Variants in CELF2 observed in about 807,000 individuals in gnomAD.
CELF2 encodes CUGBP Elav-like family member 2.
In CELF2, 8 loss-of-function variants were observed where a neutral mutation model predicts 62.6. That is an observed-to-expected ratio of 0.13 (90% CI 0.07 to 0.23). The LOEUF is 0.23. CELF2 is among the 10% of genes least tolerant of loss of function. The pLI, the probability that CELF2 is intolerant of heterozygous loss-of-function variation, is 1.00. For missense variants in CELF2, 333 were observed against 671.0 expected (o/e 0.50, Z 5.56); for synonymous variants, 258 against 250.0 (o/e 1.03, Z -0.30).
chr10:10,543,692 C>T, the CELF2 span, among the ~76,000 whole-genome samples: 1 of 151,894 alleles, frequency 6.6e-6, no homozygotes, highest in East Asian at 1.9e-4. Context: ...TCTAAAAATA[C>T]AAAACTTAGC....
In CELF2 at chr10:10,998,593, C is replaced by T. The variant is rs370956630; in HGVS notation, c.89+78594C>T. ...TTAATAGCAGGCAGAGGATAGAACT[C>T]GTAAGAGTAACTTGCTGTTGATCTC... On this transcript the variant is annotated intron_variant, in intron 2 of 13. Coordinates refer to the CELF2 transcript ENST00000636488. 3.4e-4 allele frequency among the ~76,000 whole-genome samples: 51 copies of T among 152,212 alleles called. 3 individuals are homozygous for T. The East Asian group carries it at 8.5e-3, about 25-fold the overall frequency.
intron 1 of CELF2, among the ~76,000 whole-genome samples, chr10:11,074,040 A>G (rs1482077886): frequency 1.3e-5 from 2 of 152,334 alleles, no homozygotes; most frequent in East Asian, 3.9e-4. Context: ...TGTAGTTGTT[A>G]TCAGAAGTTC....
At chr10:11,170,453 C>T (rs1324198994) in intron 2 of CELF2, among the ~76,000 whole-genome samples, 3 of 152,180 alleles carry the variant, frequency 2.0e-5, no homozygotes, top group East Asian at 1.9e-4. Flanking sequence ...AGGGAGAGGC[C>T]GGTCACACTT....
chr10:11,129,422 T>C (rs1234627264), intron 1 of CELF2, among the ~76,000 whole-genome samples: 1 of 152,238 alleles, frequency 6.6e-6, no homozygotes, highest in African/African-American at 2.4e-5. Flanking sequence ...TCCCTCTTTT[T>C]CTATTGATTG....
chr10:10,783,999 T>A, the CELF2 span, among the ~76,000 whole-genome samples: 1 of 151,406 alleles, frequency 6.6e-6, no homozygotes, highest in Non-Finnish European at 1.5e-5. Flanking sequence ...AAAAAAAAAA[T>A]AAATAAAGAA....
chr10:11,097,861 A>G (rs1396017394), intron 1 of CELF2, among the ~76,000 whole-genome samples: 1 of 152,214 alleles, frequency 6.6e-6, no homozygotes, highest in Non-Finnish European at 1.5e-5. Flanking sequence ...GACTTCCCAG[A>G]TGGGCTGGAG....
rs1299932880 is a variant in CELF2, at chr10:11,332,065, CTTTTGATTATTTCTCAT to C, written c.*3018_*3034del. The C allele has an allele frequency of 6.6e-6, 1 of 152,180 alleles. No homozygotes were observed. Among genetic ancestry groups the C allele is most frequent in the Non-Finnish European group, 1.5e-5 (1 of 68,032 alleles). The allele number at this position is 152,180 out of a possible 1,614,324, so 9.4% of individuals were successfully genotyped here. A position where few individuals can be genotyped will look rare whatever the true frequency, so the allele number is the denominator to read the frequency against. ...AAAAAATCCTACACTACTTTTACTACTTTTGATTATTTCTCATTTTTGGGAAAAGAATTCCTAATGTG... is the reference window on the plus strand; with the variant it reads ...AAAAAATCCTACACTACTTTTACTACTTTTGGGAAAAGAATTCCTAATGTG... On this transcript the variant is annotated 3_prime_UTR_variant, in exon 13 of 13. Transcript: ENST00000633077.
chr10:10,873,144 T>G (rs913050741), intron 1 of CELF2, among the ~76,000 whole-genome samples: 21 of 152,158 alleles, frequency 1.4e-4, no homozygotes, highest in African/African-American at 4.6e-4. Flanking sequence ...TGCCTAAGAT[T>G]TTGTCATGAA....
chr10:11,325,335 A>G (rs937493756), intron 11 of CELF2, among the ~76,000 whole-genome samples: 5 of 152,250 alleles, frequency 3.3e-5, no homozygotes, highest in African/African-American at 7.2e-5. Flanking sequence ...GAGATTTGGC[A>G]AATCAAAACT....
At chr10:11,126,056 A>G (rs970076562) in intron 1 of CELF2, among the ~76,000 whole-genome samples, 2 of 152,336 alleles carry the variant, frequency 1.3e-5, no homozygotes, top group Non-Finnish European at 2.9e-5. Flanking sequence ...TACATCCTGC[A>G]GCTATGCTGG....
At chr10:10,883,734 T>G (rs1489588976) in intron 1 of CELF2, among the ~76,000 whole-genome samples, 5 of 152,142 alleles carry the variant, frequency 3.3e-5, no homozygotes, top group African/African-American at 9.7e-5. Flanking sequence ...GGGAGAAAGA[T>G]GGGTACAGCC....
At chr10:10,547,692 A>AGTGTGTGTGT in the CELF2 span, among the ~76,000 whole-genome samples, 12 of 138,006 alleles carry the variant, frequency 8.7e-5, no homozygotes, top group African/African-American at 3.1e-4. Flanking sequence ...AGAGAGAGAG[A>AGTGTGTGTGT]GTGTGTGTGT....
chr10:10,634,679 T>TC, the CELF2 span, among the ~76,000 whole-genome samples: 2 of 151,322 alleles, frequency 1.3e-5, no homozygotes, highest in Admixed American at 1.3e-4. Flanking sequence ...TTTTTTTTTT[T>TC]TAAATGGAGT....
chr10:11,108,067 CCCTCTCCCCACTCCCTT>C (rs1427041434), intron 1 of CELF2, among the ~76,000 whole-genome samples: 10 of 10,798 alleles, frequency 9.3e-4, no homozygotes, highest in Admixed American at 1.3e-3. Flanking sequence ...CCCACTCCCT[CCCTCTCCCCACTCCCTT>C]CCTCTCCCCA....
the CELF2 span, among the ~76,000 whole-genome samples, chr10:10,601,362 A>G: frequency 6.6e-6 from 1 of 152,320 alleles, no homozygotes; most frequent in East Asian, 1.9e-4. Flanking sequence ...AGAAGATTTT[A>G]ATGGTGTTGT....
chr10:11,041,046 A>T (rs1341247693), intron 1 of CELF2, among the ~76,000 whole-genome samples: 1 of 152,224 alleles, frequency 6.6e-6, no homozygotes, highest in African/African-American at 2.4e-5. Context: ...TCCAACATCA[A>T]GGTGCTGACA....
At chr10:10,623,085 CAAAAAAAAAAAAAAAAAA>C in the CELF2 span, among the ~76,000 whole-genome samples, 5,065 of 57,424 alleles carry the variant, frequency 0.088, 355 homozygotes, top group African/African-American at 0.25. Context: ...GACTCCGTCT[CAAAAAAAAAAAAAAAAAA>C]AAAAAAAAAA....
At chr10:10,536,219 C>A in the CELF2 span, among the ~76,000 whole-genome samples, 1 of 152,038 alleles carries the variant, frequency 6.6e-6, no homozygotes, top group Admixed American at 6.6e-5. Context: ...GGGGTTTCAT[C>A]ATGTTGGTCA....
chr10:11,250,341 A>C (rs569767846), intron 4 of CELF2, among the ~76,000 whole-genome samples: 1 of 152,356 alleles, frequency 6.6e-6, no homozygotes, highest in South Asian at 2.1e-4. Context: ...ATATAAATAA[A>C]GAAAATAAAA....
Sources: allele counts gnomAD v4.1 joint callset (sites outside exome capture counted in the v4.1 genomes callset), GRCh38; gene constraint gnomAD v4.1.1; transcripts MANE v1.5; gene names NCBI Gene and HGNC (gene_info 2026-07-23, HGNC 2026-07-21).